Variants in RAB18 observed in about 807,000 individuals in gnomAD.
RAB18 encodes ras-related protein Rab-18.
A neutral mutation model predicts 28.5 loss-of-function variants in RAB18; 10 were observed. The ratio of observed to expected loss-of-function variants is 0.35; its 90% confidence interval spans 0.22 to 0.60. The LOEUF is 0.60. Ranked by LOEUF, RAB18 falls within the 20% of genes least tolerant of loss-of-function variation. The probability of loss-of-function intolerance (pLI) is 0.78; values close to 1 mark genes in which losing one functional copy is unlikely to be tolerated. For missense variants in RAB18, 188 were observed against 244.2 expected (o/e 0.77, Z 1.53); for synonymous variants, 93 against 86.9 (o/e 1.07, Z -0.39).
chr10:27,504,844 A>G, intron 1 of RAB18: 1 of 464,404 alleles, frequency 2.2e-6, no homozygotes, highest in Non-Finnish European at 4.4e-6. Flanking sequence ...CGGGAGACAT[A>G]GCTTTCCCAC....
chr10:27,540,561 A>G lies in RAB18; in HGVS notation c.*2510A>G. 2.2e-6 allele frequency: 1 copy of G among 454,124 alleles called. No individual in the cohort carries two copies. Among genetic ancestry groups the G allele is most frequent in the Non-Finnish European group, 4.4e-6 (1 of 226,784 alleles). The allele number at this position is 454,124 out of a possible 1,614,324, so 28.1% of individuals were successfully genotyped here. ...ATGATGTAAACCTACCTCATAAGTC[A>G]TGTGACATAAAAGTTAAGGTAGTGG... On this transcript the variant is annotated 3_prime_UTR_variant, in exon 7 of 7. Coordinates refer to ENST00000356940, the MANE Select transcript of RAB18 (RefSeq NM_021252.5).
rs1170188179 is a variant in RAB18, at chr10:27,540,228, T to C, written c.*2177T>C. 1.1e-5 allele frequency: 5 copies of C among 453,940 alleles called. No homozygotes were observed. Among genetic ancestry groups the C allele is most frequent in the Non-Finnish European group, 2.2e-5 (5 of 226,768 alleles). 28.1% of individuals were successfully genotyped at this position (453,940 alleles called of 1,614,324 possible). A position where few individuals can be genotyped will look rare whatever the true frequency, so the allele number is the denominator to read the frequency against. On this transcript the variant is annotated 3_prime_UTR_variant, in exon 7 of 7. Coordinates refer to ENST00000356940, the MANE Select transcript of RAB18 (RefSeq NM_021252.5). The stretch of plus-strand genomic sequence containing the variant: ...CTTTCTAAGTGCTGAATTATCTCAT[T>C]AAACCTCACAGCAACCTTAAGAGAT...
intron 2 of RAB18, among the ~76,000 whole-genome samples, chr10:27,513,192 G>C (rs1434523486): frequency 6.6e-6 from 1 of 151,762 alleles, no homozygotes; most frequent in East Asian, 1.9e-4. Flanking sequence ...GTGCCACCAT[G>C]CCTTGCTAAT....
intron 3 of RAB18, chr10:27,528,227 T>A (rs1834718252): frequency 2.3e-6 from 1 of 431,756 alleles, no homozygotes; most frequent in Non-Finnish European, 4.5e-6. Flanking sequence ...GTTTTAAATT[T>A]ATTTTCTAGT....
chr10:27,507,346 G>T (rs1837867135), intron 1 of RAB18, among the ~76,000 whole-genome samples: 1 of 152,202 alleles, frequency 6.6e-6, no homozygotes, highest in South Asian at 2.1e-4. Flanking sequence ...GTGACCTTGT[G>T]TGTGATACTT....
In RAB18 at chr10:27,504,429, C is replaced by T. The variant is rs773429488; in HGVS notation, c.60C>T (p.Gly20=). ...TCATCATCGGCGAGAGTGGGGTGGG[C>T]AAGTCCAGGTGAGGCGGAGGTGCGG... ...KILIIGESGV[G]KSSLLLRFTD... Residue 20 remains glycine (G), a synonymous_variant, in exon 1 of 7, where the codon GGC becomes GGT. Coordinates refer to ENST00000356940, the MANE Select transcript of RAB18 (RefSeq NM_021252.5). 3 of 1,566,080 alleles carry T rather than the reference C, an allele frequency of 1.9e-6. No homozygotes were observed. The highest frequency in any genetic ancestry group is 2.6e-6 in the Non-Finnish European group (3 of 1,154,798).
rs140323097 is a variant in RAB18, at chr10:27,533,521, G to A, written c.260-214G>A. Among the ~76,000 whole-genome samples the A allele has an allele frequency of 1.0e-3, 155 of 151,612 alleles. 1 individual carries two copies. Among genetic ancestry groups the A allele is most frequent in the African/African-American group, 3.7e-3 (152 of 41,324 alleles). Reference sequence around the variant, plus strand: ...AGGATATAATTTCATTTCTGTGACAGTATATGTTAATAGGATTGAAATGTG... The same window carrying A: ...AGGATATAATTTCATTTCTGTGACAATATATGTTAATAGGATTGAAATGTG... On this transcript the variant is annotated intron_variant, in intron 4 of 6. Transcript: ENST00000356940.
chr10:27,520,638 C>T (rs987384212), intron 2 of RAB18, among the ~76,000 whole-genome samples: 1 of 151,650 alleles, frequency 6.6e-6, no homozygotes, highest in Non-Finnish European at 1.5e-5. Flanking sequence ...ATTTCTGTGC[C>T]GGGCATGGTG....
chr10:27,516,020 A>G (rs940560922), intron 2 of RAB18, among the ~76,000 whole-genome samples: 3 of 151,988 alleles, frequency 2.0e-5, no homozygotes, highest in Non-Finnish European at 4.4e-5. Context: ...TAAGGAATGT[A>G]TCTATTTTAT....
chr10:27,513,857 T>C (rs909113000), intron 2 of RAB18: 12 of 152,222 alleles, frequency 7.9e-5, no homozygotes, highest in Admixed American at 4.6e-4. Flanking sequence ...AGGCAGGAGC[T>C]TTCCTGCACC....
chr10:27,514,567 G>A (rs893326963), intron 2 of RAB18, among the ~76,000 whole-genome samples: 4 of 151,850 alleles, frequency 2.6e-5, no homozygotes, highest in African/African-American at 4.8e-5. Flanking sequence ...GAAAAAGGTA[G>A]AATTTACCAA....
At chr10:27,505,731 T>C (rs138925610) in intron 1 of RAB18, among the ~76,000 whole-genome samples, 109 of 152,254 alleles carry the variant, frequency 7.2e-4, no homozygotes, top group African/African-American at 2.5e-3. Flanking sequence ...AGCTAACTTT[T>C]GTACTGTTAG....
chr10:27,514,627 A>G (rs1834394789), intron 2 of RAB18, among the ~76,000 whole-genome samples: 2 of 152,218 alleles, frequency 1.3e-5, no homozygotes, highest in South Asian at 4.1e-4. Flanking sequence ...TATGGAAATC[A>G]GAAAAGGAAA....
rs41282844 is a variant in RAB18 at position 27,504,336 on chromosome 10, C to T, written c.-34C>T. 1.2e-5 allele frequency: 18 copies of T among 1,559,800 alleles called. No individual in the cohort carries two copies. The highest frequency in any genetic ancestry group is 1.9e-5 in the Admixed American group (1 of 51,662). On this transcript the variant is annotated 5_prime_UTR_variant, in exon 1 of 7. Transcript: ENST00000356940. ...TGAAGGGCTGAGAGGCGCACCCGGG[C>T]GGCCAGCTGGGCTCGGAGCGGAACG...
chr10:27,511,706 GTTA>G (rs965628503), intron 2 of RAB18, among the ~76,000 whole-genome samples: 12 of 152,162 alleles, frequency 7.9e-5, no homozygotes, highest in African/African-American at 2.9e-4. Flanking sequence ...TGTCAGTGAA[GTTA>G]TTATTTTTCC....
At chr10:27,526,573 G>A (rs933997665) in intron 2 of RAB18, among the ~76,000 whole-genome samples, 4 of 152,096 alleles carry the variant, frequency 2.6e-5, no homozygotes, top group East Asian at 1.9e-4. Flanking sequence ...ATTGAATTTC[G>A]TTTTTCCTTT....
At chr10:27,523,047 T>TA (rs1834593428) in intron 2 of RAB18, among the ~76,000 whole-genome samples, 1 of 152,052 alleles carries the variant, frequency 6.6e-6, no homozygotes, top group Non-Finnish European at 1.5e-5. Context: ...TCGGATTTAA[T>TA]TTGCTGCTTT....
intron 2 of RAB18, among the ~76,000 whole-genome samples, chr10:27,511,142 G>C (rs1342220993): frequency 6.6e-6 from 1 of 152,050 alleles, no homozygotes; most frequent in Non-Finnish European, 1.5e-5. Flanking sequence ...AATTGTTTCG[G>C]GTCCAGGATC....
In RAB18 at chr10:27,537,822, A is replaced by G. The variant is rs1018593704; in HGVS notation, c.446-54A>G. 8 of 1,483,324 alleles carry G rather than the reference A, an allele frequency of 5.4e-6. No homozygotes were observed. In the African/African-American group the frequency reaches 9.8e-5, roughly 18 times the overall value. The allele number at this position is 1,483,324 out of a possible 1,614,324, so 91.9% of individuals were successfully genotyped here. A position where few individuals can be genotyped will look rare whatever the true frequency, so the allele number is the denominator to read the frequency against. On this transcript the variant is annotated intron_variant, in intron 6 of 6. Coordinates refer to ENST00000356940, the MANE Select transcript of RAB18 (RefSeq NM_021252.5). The stretch of plus-strand genomic sequence containing the variant: ...CCTGATAGTTTCCCAGAAAAACATG[A>G]GAATATGGCCAGAAAGGAATATACT...
Sources: allele counts gnomAD v4.1 joint callset (sites outside exome capture counted in the v4.1 genomes callset), GRCh38; gene constraint gnomAD v4.1.1; transcripts MANE v1.5; gene names NCBI Gene and HGNC (gene_info 2026-07-23, HGNC 2026-07-21).